The following MED13 variants were observed in gnomAD, a reference collection of about 807,000 sequenced individuals.
MED13 encodes the protein mediator complex subunit 13.
MED13 carries 23 observed loss-of-function variants against 225.2 expected under a neutral mutation model. The observed-to-expected ratio is 0.10, with a 90% CI of 0.07 to 0.14. The LOEUF is 0.14. Among genes scored for constraint, MED13 ranks in the 10% least tolerant of loss-of-function variants. MED13 has a pLI of 1.00. For missense variants in MED13, 2,197 were observed against 2,594.5 expected (o/e 0.85, Z 3.33); for synonymous variants, 942 against 889.2 (o/e 1.06, Z -1.06).
chr17:62,064,328 C>T (rs1412182444), intron 1 of MED13, among the ~76,000 whole-genome samples: 2 of 152,182 alleles, frequency 1.3e-5, no homozygotes, highest in Non-Finnish European at 2.9e-5. Flanking sequence ...CAGACCTGGG[C>T]TAACCTACAC....
chr17:61,984,482 C>T, intron 14 of MED13, 115 bp from the exon 15 acceptor site: 2 of 972,834 alleles, frequency 2.1e-6, no homozygotes, highest in Non-Finnish European at 3.0e-6. Flanking sequence ...AATCTAAATA[C>T]AATTCTATTA....
Position 61,946,321 on chromosome 17 carries a change from C to T in MED13, c.*147G>A, listed in dbSNP as rs2079851498. ...AAAATAGCAGGGTTATAGCCCCTCCCCCCAAGTCAAAACAATATTTGTTGA... is the reference window on the plus strand; with the variant it reads ...AAAATAGCAGGGTTATAGCCCCTCCTCCCAAGTCAAAACAATATTTGTTGA... On this transcript the variant is annotated 3_prime_UTR_variant, in exon 30 of 30. Transcript: ENST00000397786. 3 of 935,248 alleles carry T rather than the reference C, an allele frequency of 3.2e-6. No homozygotes were observed. In the South Asian group the frequency reaches 5.4e-5, roughly 17 times the overall value. The allele number at this position is 935,248 out of a possible 1,614,324, so 57.9% of individuals were successfully genotyped here.
chr17:61,945,506 CTAAG>C lies in MED13; in HGVS notation c.*958_*961del, dbSNP rs2079845658. On this transcript the variant is annotated 3_prime_UTR_variant, in exon 30 of 30. Transcript: ENST00000397786. The stretch of plus-strand genomic sequence containing the variant: ...GTAGCAAATGGTTTTTCTTGTAAAA[CTAAG>C]TTTCTTTCACCGGAAATGGCCTGAA... 1 of 152,546 alleles carries C rather than the reference CTAAG, an allele frequency of 6.6e-6. No individual in the cohort carries two copies. The highest frequency in any genetic ancestry group is 1.5e-5 in the Non-Finnish European group (1 of 68,016). The allele number at this position is 152,546 out of a possible 1,614,324, so 9.4% of individuals were successfully genotyped here.
intron 3 of MED13, among the ~76,000 whole-genome samples, chr17:62,036,088 CTCT>C (rs1428117172): frequency 5.7e-5 from 8 of 141,554 alleles, no homozygotes; most frequent in Non-Finnish European, 1.1e-4. Flanking sequence ...CTGTACCCAG[CTCT>C]TTTTTTTTTT....
chr17:61,972,943 T>C (rs2080122480), intron 16 of MED13, 55 bp from the exon 17 acceptor site: 2 of 1,454,808 alleles, frequency 1.4e-6, no homozygotes, highest in African/African-American at 1.4e-5. Flanking sequence ...CCAACACAAA[T>C]AAAATTTTAA....
intron 16 of MED13, 27 bp downstream of exon 16, chr17:61,982,171 A>G (rs764848850): frequency 5.3e-5 from 83 of 1,566,234 alleles, no homozygotes; most frequent in Non-Finnish European, 5.7e-5. Flanking sequence ...TAAGCAAACA[A>G]AAAAGTATTT....
chr17:62,047,516 G>A (rs937949261), intron 3 of MED13, among the ~76,000 whole-genome samples: 1 of 152,050 alleles, frequency 6.6e-6, no homozygotes. Flanking sequence ...AGAACACATG[G>A]ACACAGGGAG....
chr17:62,046,244 T>C (rs1018712480), intron 3 of MED13, among the ~76,000 whole-genome samples: 2 of 152,206 alleles, frequency 1.3e-5, no homozygotes, highest in East Asian at 1.9e-4. Flanking sequence ...TAGACTTAGC[T>C]GCTTGATTTT....
chr17:62,048,557 T>C lies in MED13; in HGVS notation c.470+3980A>G, dbSNP rs185775390. ...ACAGAGGGACTCAGAATTAGAGATATTCAGATACAGCTGAGATGATGTATT... is the reference window on the plus strand; with the variant it reads ...ACAGAGGGACTCAGAATTAGAGATACTCAGATACAGCTGAGATGATGTATT... On this transcript the variant is annotated intron_variant, in intron 3 of 29. Coordinates refer to ENST00000397786, the MANE Select transcript of MED13 (RefSeq NM_005121.3). Among the ~76,000 whole-genome samples the C allele has an allele frequency of 7.2e-4, 110 of 152,214 alleles. 1 individual carries two copies. In the Middle Eastern group the frequency reaches 0.01, roughly 14 times the overall value.
rs191638359 is a variant in MED13 at position 62,034,009 on chromosome 17, A to G, written c.617-25T>C. 2.4e-4 allele frequency: 377 copies of G among 1,593,274 alleles called. 1 individual carries two copies. Among genetic ancestry groups the G allele is most frequent in the Non-Finnish European group, 2.6e-4 (298 of 1,163,886 alleles). On this transcript the variant is annotated intron_variant, in intron 4 of 29. Coordinates refer to ENST00000397786, the MANE Select transcript of MED13 (RefSeq NM_005121.3). ...ACTAGAAACCCAAAGCAGACATCAA[A>G]TAAGTAACAAAAGACTGTTTTACCA...
chr17:62,043,178 A>G (rs954653604), intron 3 of MED13, among the ~76,000 whole-genome samples: 2 of 149,102 alleles, frequency 1.3e-5, no homozygotes, highest in African/African-American at 4.9e-5. Context: ...AAAAAAAAAA[A>G]AAAAAAGAAA....
At chr17:62,060,302 G>C (rs1183978120) in intron 2 of MED13, among the ~76,000 whole-genome samples, 1 of 150,344 alleles carries the variant, frequency 6.7e-6, no homozygotes. Flanking sequence ...CAAAAAAAAA[G>C]CTATTTACCA....
rs753533104 is a variant in MED13 at position 61,968,306 on chromosome 17, G to A, written c.3968-48C>T. 24 of 1,254,706 alleles carry A rather than the reference G, an allele frequency of 1.9e-5. No individual in the cohort carries two copies. The South Asian group carries it at 3.0e-4, about 16-fold the overall frequency. The allele number at this position is 1,254,706 out of a possible 1,614,324, so 77.7% of individuals were successfully genotyped here. Reference sequence around the variant, plus strand: ...AAGAAAACACTTAAAAACAAGACATGTCTCCTTTTTATTTATTTATTTATT... The same window carrying A: ...AAGAAAACACTTAAAAACAAGACATATCTCCTTTTTATTTATTTATTTATT... On this transcript the variant is annotated intron_variant, in intron 17 of 29. Transcript: ENST00000397786.
intron 3 of MED13, among the ~76,000 whole-genome samples, chr17:62,045,162 A>C (rs2080887927): frequency 6.6e-6 from 1 of 152,182 alleles, no homozygotes; most frequent in Non-Finnish European, 1.5e-5. Flanking sequence ...TCTGCCACTT[A>C]ACAAAACCTC....
rs547725541 is a variant in MED13, at chr17:61,991,934, C to T, written c.2263+606G>A. 6.1e-3 allele frequency among the ~76,000 whole-genome samples: 925 copies of T among 152,294 alleles called. 1 individual carries two copies. The highest frequency in any genetic ancestry group is 8.5e-3 in the Non-Finnish European group (579 of 68,028). ...GTGCTGGGATTACGGGCGTGAGCCA[C>T]GGTGCCCAGATCCATTTTTCAATTA... On this transcript the variant is annotated intron_variant, in intron 11 of 29. Coordinates refer to ENST00000397786, the MANE Select transcript of MED13 (RefSeq NM_005121.3).
At chr17:61,978,376 C>T (rs905012459) in intron 16 of MED13, among the ~76,000 whole-genome samples, 3 of 152,064 alleles carry the variant, frequency 2.0e-5, no homozygotes, top group Admixed American at 6.5e-5. Flanking sequence ...CTTAGCCTCC[C>T]GAGTAGCTGG....
chr17:61,984,751 G>A lies in MED13; in HGVS notation c.2591C>T (p.Pro864Leu). 1 of 1,613,732 alleles carries A rather than the reference G, an allele frequency of 6.2e-7. No individual in the cohort carries two copies. Among genetic ancestry groups the A allele is most frequent in the Non-Finnish European group, 8.5e-7 (1 of 1,179,746 alleles). Residue 864 changes from proline (P) to leucine (L), a missense_variant, in exon 14 of 30, where the codon CCT (proline) becomes CTT (leucine). Coordinates refer to ENST00000397786, the MANE Select transcript of MED13 (RefSeq NM_005121.3). ...NKEYGSMDTTPGGTVLEGNSS... is the reference protein window; with the variant it reads ...NKEYGSMDTTLGGTVLEGNSS... Reference sequence around the variant, plus strand: ...ATTTCCTTCTAGAACAGTTCCTCCAGGTGTTGTATCCATACTACCATATTC... The same window carrying A: ...ATTTCCTTCTAGAACAGTTCCTCCAAGTGTTGTATCCATACTACCATATTC...
intron 20 of MED13, 136 bp from the exon 21 acceptor site, chr17:61,963,107 C>T (rs1567945615): frequency 1.9e-6 from 1 of 518,516 alleles, no homozygotes; most frequent in Admixed American, 3.4e-5. Flanking sequence ...AAATGAAGGA[C>T]ATTTCTTTCT....
chr17:61,951,846 G>C (rs2079899269), intron 27 of MED13, among the ~76,000 whole-genome samples: 1 of 152,076 alleles, frequency 6.6e-6, no homozygotes, highest in African/African-American at 2.4e-5. Flanking sequence ...CTTTAAAAGG[G>C]TAAATTTTAT....
Sources: gnomAD v4.1 joint callset for allele counts (sites outside exome capture counted in the v4.1 genomes callset) on GRCh38, gnomAD v4.1.1 for gene constraint, MANE v1.5 for transcripts, NCBI Gene and HGNC (gene_info 2026-07-23, HGNC 2026-07-21) for gene names.